Variants in HIBADH observed in about 807,000 individuals in gnomAD.
HIBADH encodes the protein 3-hydroxyisobutyrate dehydrogenase.
In HIBADH, 25 loss-of-function variants were observed where a neutral mutation model predicts 36.1. That is an observed-to-expected ratio of 0.69 (90% CI 0.50 to 0.97). The LOEUF is 0.97. Among genes scored for constraint, HIBADH ranks in the 50% least tolerant of loss-of-function variants. The pLI, the probability that HIBADH is intolerant of heterozygous loss-of-function variation, is 0.00. For missense variants in HIBADH, 421 were observed against 418.0 expected, an observed-to-expected ratio of 1.01 and a Z score of -0.06; for synonymous variants, 160 against 149.5, an observed-to-expected ratio of 1.07 and a Z score of -0.51.
At chr7:27,551,279 C>G (rs775472773) in intron 4 of HIBADH, among the ~76,000 whole-genome samples, 1 of 152,076 alleles carries the variant, frequency 6.6e-6, no homozygotes, top group Non-Finnish European at 1.5e-5. Flanking sequence ...AGTTAAAAGA[C>G]TTGGAAAGAA....
intron 4 of HIBADH, among the ~76,000 whole-genome samples, chr7:27,573,254 T>G (rs565096436): frequency 1.3e-5 from 2 of 152,358 alleles, no homozygotes; most frequent in East Asian, 3.9e-4. Flanking sequence ...TGGAATGTCC[T>G]CATCCAGCCC....
intron 4 of HIBADH, among the ~76,000 whole-genome samples, chr7:27,626,766 T>C (rs959210625): frequency 2.0e-5 from 3 of 152,168 alleles, no homozygotes; most frequent in Admixed American, 6.5e-5. Context: ...ATTTACACTT[T>C]TAGAATACTA....
In HIBADH at chr7:27,621,105, A is replaced by T. The variant is rs558141029; in HGVS notation, c.484+8266T>A. Among the ~76,000 whole-genome samples the T allele has an allele frequency of 7.8e-4, 43 of 55,478 alleles. No homozygotes were observed. The East Asian group carries it at 0.095, about 123-fold the overall frequency. 36.4% of individuals were successfully genotyped at this position (55,478 alleles called of 152,430 possible). ...TACTTACATCAAACAGACTTTAAAT[A>T]AAGAACAATAAAAAGACAATCATTA... On this transcript the variant is annotated intron_variant, in intron 4 of 7. Coordinates refer to ENST00000265395, the MANE Select transcript of HIBADH (RefSeq NM_152740.4).
At chr7:27,571,102 T>C (rs1159251747) in intron 4 of HIBADH, among the ~76,000 whole-genome samples, 1 of 152,214 alleles carries the variant, frequency 6.6e-6, no homozygotes, top group Non-Finnish European at 1.5e-5. Context: ...TCTCATTTAC[T>C]AATTCTCTCT....
intron 4 of HIBADH, among the ~76,000 whole-genome samples, chr7:27,600,921 T>A (rs1785120686): frequency 6.6e-6 from 1 of 152,180 alleles, no homozygotes; most frequent in Admixed American, 6.5e-5. Context: ...ACCAGACTAC[T>A]GAATTCTCGT....
intron 4 of HIBADH, among the ~76,000 whole-genome samples, chr7:27,617,429 C>T (rs1292291181): frequency 6.6e-6 from 1 of 152,150 alleles, no homozygotes; most frequent in African/African-American, 2.4e-5. Flanking sequence ...AACACTATAA[C>T]AACTTATATT....
chr7:27,640,950 T>C (rs1327606878), intron 2 of HIBADH, among the ~76,000 whole-genome samples: 2 of 152,170 alleles, frequency 1.3e-5, no homozygotes, highest in Non-Finnish European at 2.9e-5. Flanking sequence ...ATGAGGTGCA[T>C]GACTACGGTT....
At chr7:27,610,906 C>T (rs1253464956) in intron 4 of HIBADH, among the ~76,000 whole-genome samples, 1 of 152,042 alleles carries the variant, frequency 6.6e-6, no homozygotes, top group East Asian at 1.9e-4. Flanking sequence ...GTATCCAGTT[C>T]AGTGAGCAGT....
chr7:27,656,682 A>G (rs1176587036), intron 1 of HIBADH, among the ~76,000 whole-genome samples: 2 of 152,200 alleles, frequency 1.3e-5, no homozygotes, highest in African/African-American at 4.8e-5. Context: ...AGAAAATTTT[A>G]CTTTTAATTT....
chr7:27,649,771 ACC>A (rs1241293886), intron 1 of HIBADH, 138 bp from the exon 2 acceptor site: 2 of 678,340 alleles, frequency 2.9e-6, no homozygotes, highest in East Asian at 6.0e-5. Context: ...AGTGGTGCAC[ACC>A]TATAATCCCA....
chr7:27,530,934 A>G (rs558808235), intron 7 of HIBADH, among the ~76,000 whole-genome samples: 15 of 151,560 alleles, frequency 9.9e-5, no homozygotes, highest in East Asian at 9.7e-4. Flanking sequence ...CCAAGTGCGC[A>G]CACACACACA....
intron 1 of HIBADH, among the ~76,000 whole-genome samples, chr7:27,655,202 T>A (rs960047971): frequency 1.3e-5 from 2 of 152,118 alleles, no homozygotes; most frequent in African/African-American, 2.4e-5. Flanking sequence ...TCTGAATGGA[T>A]CCTGACTTTA....
At chr7:27,552,736 T>C (rs771744134) in intron 4 of HIBADH, among the ~76,000 whole-genome samples, 4 of 152,194 alleles carry the variant, frequency 2.6e-5, no homozygotes, top group Non-Finnish European at 4.4e-5. Flanking sequence ...TACTAATCTA[T>C]GAATGCAATT....
rs74378799 is a variant in HIBADH at position 27,556,910 on chromosome 7, G to T, written c.485-13810C>A. 2.2e-3 allele frequency among the ~76,000 whole-genome samples: 335 copies of T among 152,290 alleles called. 10 individuals are homozygous for T. The East Asian group carries it at 0.045, about 21-fold the overall frequency. ...GGCAGGAGGATAGAGGATAAAGGAGGATAGAAGAGGATAGAGCCTGAGCCC... is the reference window on the plus strand; with the variant it reads ...GGCAGGAGGATAGAGGATAAAGGAGTATAGAAGAGGATAGAGCCTGAGCCC... On this transcript the variant is annotated intron_variant, in intron 4 of 7. Coordinates refer to ENST00000265395, the MANE Select transcript of HIBADH (RefSeq NM_152740.4).
intron 7 of HIBADH, among the ~76,000 whole-genome samples, chr7:27,527,122 G>A (rs1227092561): frequency 6.6e-6 from 1 of 152,096 alleles, no homozygotes; most frequent in Non-Finnish European, 1.5e-5. Context: ...AGGGAGAAGT[G>A]AGTTCAGCAC....
intron 2 of HIBADH, among the ~76,000 whole-genome samples, chr7:27,638,553 A>T (rs1054728379): frequency 3.3e-5 from 5 of 152,142 alleles, no homozygotes; most frequent in Admixed American, 2.0e-4. Flanking sequence ...CAAGACAAAG[A>T]TATCAAAAGC....
chr7:27,566,433 C>T (rs1784549759), intron 4 of HIBADH, among the ~76,000 whole-genome samples: 1 of 151,722 alleles, frequency 6.6e-6, no homozygotes. Context: ...GAGTTCCTTA[C>T]AGTGCTCCAT....
chr7:27,557,333 G>A (rs200264078), intron 4 of HIBADH, among the ~76,000 whole-genome samples: 2 of 151,834 alleles, frequency 1.3e-5, no homozygotes, highest in East Asian at 1.9e-4. Context: ...TGCCTTTATA[G>A]TTTTGTCATC....
chr7:27,646,895 C>A (rs1786083122), intron 2 of HIBADH, among the ~76,000 whole-genome samples: 1 of 151,962 alleles, frequency 6.6e-6, no homozygotes, highest in Non-Finnish European at 1.5e-5. Context: ...GGGGTTTCGC[C>A]ACATTGGCCA....
Sources: allele counts gnomAD v4.1 joint callset (sites outside exome capture counted in the v4.1 genomes callset), GRCh38; gene constraint gnomAD v4.1.1; transcripts MANE v1.5; gene names NCBI Gene and HGNC (gene_info 2026-07-23, HGNC 2026-07-21).